Variants in HSH2D observed in about 807,000 individuals in gnomAD.
The protein encoded by HSH2D is hematopoietic SH2 domain-containing protein.
In HSH2D, 16 loss-of-function variants were observed where a neutral mutation model predicts 21.5. The ratio of observed to expected loss-of-function variants is 0.74; its 90% confidence interval spans 0.50 to 1.13. HSH2D has a LOEUF of 1.13. Ranked by LOEUF, HSH2D falls within the 50% of genes most tolerant of loss-of-function variation. The pLI, the probability that HSH2D is intolerant of heterozygous loss-of-function variation, is 0.00. For synonymous variants in HSH2D, 172 were observed against 184.7 expected, an observed-to-expected ratio of 0.93 and a Z score of 0.56; for missense variants, 418 against 441.4, an observed-to-expected ratio of 0.95 and a Z score of 0.47.
chr19:16,150,573 G>A (rs1192263085), intron 2 of HSH2D, among the ~76,000 whole-genome samples: 3 of 151,382 alleles, frequency 2.0e-5, no homozygotes, highest in East Asian at 2.0e-4. Context: ...ACGGTGGCAC[G>A]TGCCTGTAAT....
At position 16,148,736 on chromosome 19, in the gene HSH2D, C is replaced by T. The variant is rs755358000; in HGVS notation, c.-15C>T. 5.0e-6 allele frequency: 8 copies of T among 1,613,846 alleles called. No homozygotes were observed. The Admixed American group carries it at 6.7e-5, about 13-fold the overall frequency. On this transcript the variant is annotated 5_prime_UTR_variant, in exon 2 of 6. Transcript: ENST00000613986. Reference sequence around the variant, plus strand: ...CTTCTCTACCCAGGTGACCTTCCCTCCACCCCAGGAAGCTATGACAGAGGC... The same window carrying T: ...CTTCTCTACCCAGGTGACCTTCCCTTCACCCCAGGAAGCTATGACAGAGGC...
intron 1 of HSH2D, among the ~76,000 whole-genome samples, chr19:16,135,362 G>A (rs1056153564): frequency 1.3e-5 from 2 of 151,996 alleles, no homozygotes; most frequent in Non-Finnish European, 2.9e-5. Flanking sequence ...CCAGGAGTTG[G>A]AGGCTGCAGT....
intron 1 of HSH2D, among the ~76,000 whole-genome samples, chr19:16,144,940 C>T (rs1238495033): frequency 3.3e-5 from 5 of 151,578 alleles, no homozygotes; most frequent in Admixed American, 3.3e-4. Context: ...GATCTGCCTG[C>T]CTCAGCCTCC....
At position 16,157,924 on chromosome 19, in the gene HSH2D, G is replaced by T; in HGVS notation, c.*130G>T. ...TCGGGAACCCGGGAAATGGAATAAA[G>T]ATGTTTTTGGGGTCTGTTCCTGCAC... On this transcript the variant is annotated 3_prime_UTR_variant, in exon 6 of 6. Transcript: ENST00000613986. The surrounding 1 kb of genome is among the most constrained non-coding windows in gnomAD (Gnocchi z 4.4). 1 of 673,022 alleles carries T rather than the reference G, an allele frequency of 1.5e-6. No individual in the cohort carries two copies. Among genetic ancestry groups the T allele is most frequent in the Non-Finnish European group, 2.5e-6 (1 of 403,174 alleles). The allele number at this position is 673,022 out of a possible 1,614,324, so 41.7% of individuals were successfully genotyped here. A position where few individuals can be genotyped will look rare whatever the true frequency, so the allele number is the denominator to read the frequency against.
rs747211497 is a variant in HSH2D at position 16,152,546 on chromosome 19, T to C, written c.126-6T>C. The C allele has an allele frequency of 6.7e-7, 1 of 1,485,666 alleles. No homozygotes were observed. The allele number at this position is 1,485,666 out of a possible 1,614,324, so 92.0% of individuals were successfully genotyped here. ...TTTCATTTCCTTTCTGTGTGTGCCC[T>C]TCCAGGGATGCTGAGAACTTGCTGG... On this transcript the variant is annotated splice_polypyrimidine_tract_variant and splice_region_variant and intron_variant, in intron 2 of 5. Transcript: ENST00000613986.
upstream of HSH2D, among the ~76,000 whole-genome samples, chr19:16,140,258 G>C (rs758503451): frequency 4.6e-5 from 7 of 151,918 alleles, no homozygotes; most frequent in Non-Finnish European, 1.0e-4. Flanking sequence ...AGTTGTACTT[G>C]CACCACTGCA....
In HSH2D at chr19:16,157,965, G is replaced by GTGCAGGAA; in HGVS notation, c.*171_*172insTGCAGGAA. On this transcript the variant is annotated 3_prime_UTR_variant, in exon 6 of 6. Coordinates refer to ENST00000613986, the MANE Select transcript of HSH2D (RefSeq NM_001382417.1). The surrounding 1 kb of genome is among the most constrained non-coding windows in gnomAD (Gnocchi z 4.4). ...GTTCCTGCACTCACCCATGGGGTGA[G>GTGCAGGAA]CTGGTTATTTTAGCAACAATCATCA... The GTGCAGGAA allele has an allele frequency of 8.9e-6, 5 of 563,472 alleles. No individual in the cohort carries two copies. Among genetic ancestry groups the GTGCAGGAA allele is most frequent in the South Asian group, 2.5e-5 (1 of 40,626 alleles). The allele number at this position is 563,472 out of a possible 1,614,324, so 34.9% of individuals were successfully genotyped here.
At position 16,157,500 on chromosome 19, in the gene HSH2D, AG is replaced by A; in HGVS notation, c.769del (p.Asp257IlefsTer46). The stretch of plus-strand genomic sequence containing the variant: ...CCGGAAAAGGCAGCCAAGATCACTC[AG>A]GGGATCCCACCTCGGGGGACAGAGG... ...GTGKGSQDHS[G>X]DPTSGDRGYT... On this transcript the variant is annotated frameshift_variant, in exon 6 of 6. Coordinates refer to ENST00000613986, the MANE Select transcript of HSH2D (RefSeq NM_001382417.1). LOFTEE classifies it low-confidence loss of function (END_TRUNC). This position sits in a 1 kb window ranked among gnomAD's most constrained non-coding sequence, Gnocchi z 4.4. The A allele has an allele frequency of 6.2e-7, 1 of 1,613,936 alleles. No individual in the cohort carries two copies. The highest frequency in any genetic ancestry group is 8.5e-7 in the Non-Finnish European group (1 of 1,179,856).
At chr19:16,152,108 CAAA>C (rs35744412) in intron 2 of HSH2D, among the ~76,000 whole-genome samples, 10 of 89,108 alleles carry the variant, frequency 1.1e-4, no homozygotes, top group Admixed American at 5.2e-4. Context: ...TCTGTCTCAA[CAAA>C]AAAAAAAAAA....
At chr19:16,142,438 T>G (rs2091008834), upstream of HSH2D, among the ~76,000 whole-genome samples, 1 of 152,162 alleles carries the variant, frequency 6.6e-6, no homozygotes, top group Admixed American at 6.6e-5. Flanking sequence ...TTTTTTGTTT[T>G]TTTGTTTTGT....
intron 1 of HSH2D, among the ~76,000 whole-genome samples, chr19:16,145,783 T>A (rs569492875): frequency 6.6e-6 from 1 of 151,858 alleles, no homozygotes; most frequent in East Asian, 1.9e-4. Context: ...AGGACAGAAT[T>A]TATGGTGAGT....
chr19:16,157,572 GC>G lies in HSH2D; in HGVS notation c.841del (p.Gln281ArgfsTer22). ...VATSLKSPSQ[P>X]QAPKDRKVPT... ...CCACATCTCTCAAAAGCCCCTCACA[GC>G]CCCAGGCACCAAAAGACAGAAAGGT... is the stretch of plus-strand genomic sequence containing the variant. On this transcript the variant is annotated frameshift_variant, in exon 6 of 6. Coordinates refer to ENST00000613986, the MANE Select transcript of HSH2D (RefSeq NM_001382417.1). LOFTEE classifies it low-confidence loss of function (END_TRUNC). The surrounding 1 kb of genome is among the most constrained non-coding windows in gnomAD (Gnocchi z 4.4). 1 of 1,613,888 alleles carries G rather than the reference GC, an allele frequency of 6.2e-7. No homozygotes were observed. The highest frequency in any genetic ancestry group is 1.1e-5 in the South Asian group (1 of 91,074).
At chr19:16,151,664 G>A (rs999696898) in intron 2 of HSH2D, 2 of 451,990 alleles carry the variant, frequency 4.4e-6, no homozygotes, top group East Asian at 7.1e-5. Flanking sequence ...GGCTGTGGGA[G>A]ATGGGAGGAG....
intron 1 of HSH2D, among the ~76,000 whole-genome samples, chr19:16,145,037 GTTT>G (rs34993884): frequency 5.6e-4 from 67 of 119,450 alleles, no homozygotes; most frequent in African/African-American, 1.7e-3. Context: ...TTTTTTTGGG[GTTT>G]TTTTTTTTTT....
chr19:16,156,933 C>A (rs1000749660), intron 5 of HSH2D, among the ~76,000 whole-genome samples: 4 of 151,796 alleles, frequency 2.6e-5, no homozygotes, highest in African/African-American at 9.7e-5. Flanking sequence ...TTGCAGTGAG[C>A]CGAGATTGTG....
rs1317493155 is a variant in HSH2D, at chr19:16,154,504, C to T, written c.474+13C>T. 4.6e-6 allele frequency: 7 copies of T among 1,534,580 alleles called. No individual in the cohort carries two copies. In the East Asian group the frequency reaches 7.3e-5, roughly 16 times the overall value. ...TGCCCCTGAGGAGGTATGTATATGA[C>T]AGGAGGCTGGCACCTCCCACCTGGC... is the stretch of plus-strand genomic sequence containing the variant. On this transcript the variant is annotated intron_variant, in intron 5 of 5. Coordinates refer to ENST00000613986, the MANE Select transcript of HSH2D (RefSeq NM_001382417.1).
intron 4 of HSH2D, among the ~76,000 whole-genome samples, 179 bp downstream of exon 4, chr19:16,153,387 T>A (rs1363369600): frequency 6.6e-6 from 1 of 152,256 alleles, no homozygotes; most frequent in African/African-American, 2.4e-5. Context: ...TTGTGGTTCC[T>A]GCTTCCCCAT....
chr19:16,154,408 G>C lies in HSH2D; in HGVS notation c.391G>C (p.Ala131Pro). 1 of 1,550,350 alleles carries C rather than the reference G, an allele frequency of 6.5e-7. No individual in the cohort carries two copies. Among genetic ancestry groups the C allele is most frequent in the Non-Finnish European group, 8.7e-7 (1 of 1,146,412 alleles). Residue 131 changes from alanine (A) to proline (P), a missense_variant, in exon 5 of 6, where the codon GCA (alanine) becomes CCA (proline). Transcript: ENST00000613986. ...CCCTTCCGCCCTGCAGAAGGATCCC[G>C]CAAACGTGGATTACGAGGATCTCTT... ...LTQPCRQKDP[A>P]NVDYEDLFLY...
Position 16,157,848 on chromosome 19 carries a change from G to A in HSH2D, c.*54G>A. On this transcript the variant is annotated 3_prime_UTR_variant, in exon 6 of 6. Coordinates refer to ENST00000613986, the MANE Select transcript of HSH2D (RefSeq NM_001382417.1). This position sits in a 1 kb window ranked among gnomAD's most constrained non-coding sequence, Gnocchi z 4.4. ...CGCTGCCAGGGGCTGCCACACTCCT[G>A]AATGCCTTAACATTTCTTCCATGGC... 1 of 1,304,578 alleles carries A rather than the reference G, an allele frequency of 7.7e-7. No individual in the cohort carries two copies. The highest frequency in any genetic ancestry group is 1.0e-6 in the Non-Finnish European group (1 of 962,970). The allele number at this position is 1,304,578 out of a possible 1,614,324, so 80.8% of individuals were successfully genotyped here. A position where few individuals can be genotyped will look rare whatever the true frequency, so the allele number is the denominator to read the frequency against.
Sources: gnomAD v4.1 joint callset for allele counts (sites outside exome capture counted in the v4.1 genomes callset) on GRCh38, gnomAD v4.1.1 for gene constraint, Gnocchi (gnomAD v3.1) non-coding constraint, MANE v1.5 for transcripts, NCBI Gene and HGNC (gene_info 2026-07-23, HGNC 2026-07-21) for gene names.